The following PROS1 variants were observed in gnomAD, a reference collection of about 807,000 sequenced individuals.
PROS1 encodes protein S, also known as vitamin K-dependent protein S.
A neutral mutation model predicts 75.9 loss-of-function variants in PROS1; 29 were observed. The observed-to-expected ratio is 0.38, with a 90% CI of 0.28 to 0.52. The LOEUF is 0.52. Among genes scored for constraint, PROS1 ranks in the 20% least tolerant of loss-of-function variants. PROS1 has a pLI of 0.83. For missense variants in PROS1, 680 were observed against 810.3 expected, an observed-to-expected ratio of 0.84 and a Z score of 1.95; for synonymous variants, 245 against 280.6, an observed-to-expected ratio of 0.87 and a Z score of 1.27.
chr3:93,923,181 T>A (rs1222788076), intron 3 of PROS1, among the ~76,000 whole-genome samples: 6 of 152,124 alleles, frequency 3.9e-5, no homozygotes, highest in Admixed American at 3.9e-4. Context: ...AAGAGAAGAG[T>A]TGGGCAGGGC....
rs780812527 is a variant in PROS1 at position 93,877,046 on chromosome 3, T to C, written c.1790A>G (p.His597Arg). The C allele has an allele frequency of 1.2e-6, 2 of 1,613,946 alleles. No individual in the cohort carries two copies. Among genetic ancestry groups the C allele is most frequent in the African/African-American group, 1.3e-5 (1 of 74,926 alleles). Residue 597 changes from histidine to arginine, a missense_variant, in exon 14 of 15, where the codon CAT becomes CGT. Transcript: ENST00000394236. ...GGCAAGTTGTCTTTGAAGGTCTTCA[T>C]GGGAGATGGTTTCTATTTTAAGTGG... ...STPLKIETIS[H>R]EDLQRQLAVL...
rs2107118436 is a variant in PROS1 at position 93,873,447 on chromosome 3, T to C, written c.*798A>G. 6.6e-6 allele frequency: 1 copy of C among 152,342 alleles called. No homozygotes were observed. Among genetic ancestry groups the C allele is most frequent in the South Asian group, 2.1e-4 (1 of 4,828 alleles). The allele number at this position is 152,342 out of a possible 1,614,324, so 9.4% of individuals were successfully genotyped here. A position where few individuals can be genotyped will look rare whatever the true frequency, so the allele number is the denominator to read the frequency against. On this transcript the variant is annotated 3_prime_UTR_variant, in exon 15 of 15. Transcript: ENST00000394236. ...TAAAAGTTGGATTCAAGGAAAACTA[T>C]GAACTCCCACATTTGTTCATTCTCC...
intron 3 of PROS1, among the ~76,000 whole-genome samples, chr3:93,919,644 T>A (rs1172057334): frequency 1.3e-5 from 2 of 152,202 alleles, no homozygotes; most frequent in Admixed American, 1.3e-4. Flanking sequence ...TTACAGCTTG[T>A]GAATTTAAAA....
At chr3:93,955,454 T>C (rs1709583383) in intron 1 of PROS1, among the ~76,000 whole-genome samples, 1 of 152,148 alleles carries the variant, frequency 6.6e-6, no homozygotes, top group Non-Finnish European at 1.5e-5. Context: ...GAAACCATCA[T>C]TCTCAGCAAA....
Position 93,933,348 on chromosome 3 carries a change from G to A in PROS1, c.77-5941C>T, listed in dbSNP as rs1033988126. Among the ~76,000 whole-genome samples the A allele has an allele frequency of 5.1e-4, 78 of 152,156 alleles. 1 individual carries two copies. Among genetic ancestry groups the A allele is most frequent in the Non-Finnish European group, 8.5e-4 (58 of 68,044 alleles). ...CCAACACATTGGGAGGCTGAGGTGGGAGGATCCCTTAAACCCAAGAGTTTG... is the reference window on the plus strand; with the variant it reads ...CCAACACATTGGGAGGCTGAGGTGGAAGGATCCCTTAAACCCAAGAGTTTG... On this transcript the variant is annotated intron_variant, in intron 1 of 14. Transcript: ENST00000394236.
intron 8 of PROS1, among the ~76,000 whole-genome samples, chr3:93,897,420 A>C (rs914218865): frequency 1.3e-5 from 2 of 152,110 alleles, no homozygotes; most frequent in Non-Finnish European, 2.9e-5. Context: ...AGGCCCAGAA[A>C]TAACATTTTA....
chr3:93,892,326 C>T (rs1251112714), intron 10 of PROS1, among the ~76,000 whole-genome samples: 1 of 138,760 alleles, frequency 7.2e-6, no homozygotes, highest in African/African-American at 2.7e-5. Flanking sequence ...GTGAGACTGT[C>T]TCAAAAAAAA....
intron 2 of PROS1, 115 bp downstream of exon 2, chr3:93,927,135 T>TG: frequency 7.5e-7 from 1 of 1,338,952 alleles, no homozygotes; most frequent in African/African-American, 1.4e-5. Context: ...GTGTGGAAGG[T>TG]GATACACAGA....
At position 93,873,913 on chromosome 3, in the gene PROS1, A is replaced by C. The variant is rs969795421; in HGVS notation, c.*332T>G. 4.0e-6 allele frequency: 1 copy of C among 251,260 alleles called. No individual in the cohort carries two copies. Among genetic ancestry groups the C allele is most frequent in the Admixed American group, 5.1e-5 (1 of 19,542 alleles). The allele number at this position is 251,260 out of a possible 1,614,324, so 15.6% of individuals were successfully genotyped here. ...GAGTTTACTTCCTTGCTTTCTGAAAAAAACATAGGTATTTAGACACTAGTT... is the reference window on the plus strand; with the variant it reads ...GAGTTTACTTCCTTGCTTTCTGAAACAAACATAGGTATTTAGACACTAGTT... On this transcript the variant is annotated 3_prime_UTR_variant, in exon 15 of 15. Transcript: ENST00000394236.
rs1553814546 is a variant in PROS1, at chr3:93,927,993, G to GTATATATATA, written c.77-596_77-587dup. On this transcript the variant is annotated intron_variant, in intron 1 of 14. Coordinates refer to ENST00000394236, the MANE Select transcript of PROS1 (RefSeq NM_000313.4). ...TGTGTGTATATATATGTGTGTGTGT[G>GTATATATATA]TATATATATATATATATATTTTTTT... 4.1e-3 allele frequency among the ~76,000 whole-genome samples: 106 copies of GTATATATATA among 25,604 alleles called. 2 individuals carry two copies. Among genetic ancestry groups the GTATATATATA allele is most frequent in the Non-Finnish European group, 5.7e-3 (81 of 14,268 alleles). The allele number at this position is 25,604 out of a possible 152,430, so 16.8% of individuals were successfully genotyped here.
chr3:93,904,077 G>C (rs568777104), intron 6 of PROS1, among the ~76,000 whole-genome samples: 1 of 149,482 alleles, frequency 6.7e-6, no homozygotes, highest in Non-Finnish European at 1.5e-5. Flanking sequence ...TTGGTTTTTT[G>C]TTCTTGCGAT....
intron 1 of PROS1, among the ~76,000 whole-genome samples, chr3:93,928,045 C>T (rs1273745589): frequency 3.5e-5 from 4 of 113,226 alleles, no homozygotes; most frequent in Admixed American, 2.2e-4. Flanking sequence ...GACGGAGTCT[C>T]GCTCTGTCGC....
rs745922225 is a variant in PROS1 at position 93,896,703 on chromosome 3, G to C, written c.850-12C>G. On this transcript the variant is annotated splice_polypyrimidine_tract_variant and intron_variant, in intron 8 of 14. Transcript: ENST00000394236. ...CACACTGAAACAACCTGGAATAAAA[G>C]AAACCAAATAAACAACAAGAAAATC... The C allele has an allele frequency of 2.5e-6, 4 of 1,570,722 alleles. No individual in the cohort carries two copies. The highest frequency in any genetic ancestry group is 3.5e-6 in the Non-Finnish European group (4 of 1,140,810).
chr3:93,881,164 A>G (rs191722813), intron 12 of PROS1, among the ~76,000 whole-genome samples: 138 of 152,242 alleles, frequency 9.1e-4, no homozygotes, highest in Non-Finnish European at 1.6e-3. Flanking sequence ...TCTCTGCAAA[A>G]CATAAAAATT....
At chr3:93,944,036 C>T (rs924455322) in intron 1 of PROS1, among the ~76,000 whole-genome samples, 1 of 152,196 alleles carries the variant, frequency 6.6e-6, no homozygotes, top group Admixed American at 6.5e-5. Context: ...CACACAAAGC[C>T]TGTTTGGTAG....
At chr3:93,917,362 C>T (rs1243478604) in intron 3 of PROS1, among the ~76,000 whole-genome samples, 5 of 152,196 alleles carry the variant, frequency 3.3e-5, no homozygotes, top group African/African-American at 9.6e-5. Flanking sequence ...TGCAGTGGCA[C>T]GATCTTGGCT....
In PROS1 at chr3:93,886,522, A is replaced by G. The variant is rs534457194; in HGVS notation, c.1156-19T>C. 1.2e-4 allele frequency: 191 copies of G among 1,567,748 alleles called. No individual in the cohort carries two copies. In the Admixed American group the frequency reaches 1.8e-3, roughly 15 times the overall value. On this transcript the variant is annotated intron_variant, in intron 10 of 14. Transcript: ENST00000394236. The stretch of plus-strand genomic sequence containing the variant: ...CAGACACCTACAATTAAAAAGAAAA[A>G]TTACCAAATAACCAAGTATTACTAC...
intron 10 of PROS1, among the ~76,000 whole-genome samples, chr3:93,889,313 CT>C (rs994935867): frequency 4.6e-5 from 7 of 152,004 alleles, no homozygotes; most frequent in African/African-American, 7.2e-5. Flanking sequence ...AGAGCACTGA[CT>C]TTTTTTTATT....
Position 93,933,686 on chromosome 3 carries a change from G to A in PROS1, c.77-6279C>T, listed in dbSNP as rs1431212143. Among the ~76,000 whole-genome samples the A allele has an allele frequency of 9.2e-5, 14 of 152,314 alleles. No individual in the cohort carries two copies. The East Asian group carries it at 2.7e-3, about 29-fold the overall frequency. ...CACCTGTAATCCCAACACTCTGGGA[G>A]GCCGAGGTGAGCTGATCACTTGAAG... On this transcript the variant is annotated intron_variant, in intron 1 of 14. Coordinates refer to ENST00000394236, the MANE Select transcript of PROS1 (RefSeq NM_000313.4).
Sources: allele counts gnomAD v4.1 joint callset (sites outside exome capture counted in the v4.1 genomes callset), GRCh38; gene constraint gnomAD v4.1.1; transcripts MANE v1.5; gene names NCBI Gene and HGNC (gene_info 2026-07-23, HGNC 2026-07-21).